The following EPS15 variants were observed in gnomAD, a reference collection of about 807,000 sequenced individuals.
The protein encoded by EPS15 is epidermal growth factor receptor substrate 15.
A neutral mutation model predicts 113.8 loss-of-function variants in EPS15; 72 were observed. The observed-to-expected ratio is 0.63, with a 90% CI of 0.52 to 0.77. The LOEUF is 0.77. EPS15 is among the 30% of genes least tolerant of loss of function. The probability of loss-of-function intolerance (pLI) is 0.00; values close to 1 mark genes in which losing one functional copy is unlikely to be tolerated. For missense variants in EPS15, 1,048 were observed against 1,045.8 expected, an observed-to-expected ratio of 1.00 and a Z score of -0.03; for synonymous variants, 344 against 363.4, an observed-to-expected ratio of 0.95 and a Z score of 0.61.
intron 13 of EPS15, among the ~76,000 whole-genome samples, chr1:51,419,404 CA>C (rs542416557): frequency 8.5e-4 from 126 of 148,080 alleles, no homozygotes; most frequent in Admixed American, 1.6e-3. Context: ...AAACACAAAA[CA>C]AAAAAAAAAT....
intron 8 of EPS15, among the ~76,000 whole-genome samples, chr1:51,454,933 GGA>G (rs1557486167): frequency 7.0e-6 from 1 of 142,426 alleles, no homozygotes; most frequent in Non-Finnish European, 1.6e-5. Flanking sequence ...AAGTTCATTA[GGA>G]AAAAAAAAAA....
At chr1:51,400,989 A>AATAT (rs1406943091) in intron 18 of EPS15, 36 bp from the exon 19 acceptor site, 1 of 1,441,840 alleles carries the variant, frequency 6.9e-7, no homozygotes, top group South Asian at 1.2e-5. Context: ...TCCAAATAAC[A>AATAT]ATATTTACTG....
chr1:51,393,193 A>T (rs1459567787), intron 21 of EPS15, among the ~76,000 whole-genome samples: 1 of 152,230 alleles, frequency 6.6e-6, no homozygotes, highest in Non-Finnish European at 1.5e-5. Flanking sequence ...TTTGTTCATT[A>T]TAAGAAACCC....
chr1:51,472,093 G>A (rs551959203), intron 3 of EPS15, among the ~76,000 whole-genome samples: 247 of 151,712 alleles, frequency 1.6e-3, no homozygotes, highest in African/African-American at 5.5e-3. Context: ...TTTCAATGTG[G>A]CCCACGGAAG....
intron 12 of EPS15, among the ~76,000 whole-genome samples, chr1:51,433,821 G>A (rs919283291): frequency 6.6e-6 from 1 of 152,194 alleles, no homozygotes; most frequent in African/African-American, 2.4e-5. Flanking sequence ...TGATGTTCTT[G>A]CTAAAAGGAC....
intron 8 of EPS15, among the ~76,000 whole-genome samples, chr1:51,455,074 C>T (rs1653876001): frequency 6.6e-6 from 1 of 152,148 alleles, no homozygotes; most frequent in Non-Finnish European, 1.5e-5. Flanking sequence ...TAGGCTCATT[C>T]ACCAAATACT....
At chr1:51,399,245 T>G in intron 19 of EPS15, 80 bp from the exon 20 acceptor site, 1 of 1,368,062 alleles carries the variant, frequency 7.3e-7, no homozygotes, top group Non-Finnish European at 1.0e-6. Flanking sequence ...GTATGATCAG[T>G]GCCTTAATTA....
chr1:51,463,384 T>C (rs1408263560), intron 7 of EPS15: 1 of 201,894 alleles, frequency 5.0e-6, no homozygotes, highest in Non-Finnish European at 9.8e-6. Flanking sequence ...AGAAATTAAC[T>C]CAAGCAAATA....
chr1:51,447,385 A>AT (rs1653151068), intron 9 of EPS15, among the ~76,000 whole-genome samples: 1 of 152,228 alleles, frequency 6.6e-6, no homozygotes, highest in South Asian at 2.1e-4. Flanking sequence ...CTCTTGACTA[A>AT]TGCCCACATT....
In EPS15 at chr1:51,389,873, G is replaced by C. The variant is rs530900007; in HGVS notation, c.2119+4508C>G. Among the ~76,000 whole-genome samples the C allele has an allele frequency of 4.9e-4, 74 of 152,328 alleles. No homozygotes were observed. The South Asian group carries it at 9.3e-3, about 19-fold the overall frequency. On this transcript the variant is annotated intron_variant, in intron 21 of 24. Coordinates refer to ENST00000371733, the MANE Select transcript of EPS15 (RefSeq NM_001981.3). Reference sequence around the variant, plus strand: ...CATGGGTAGGAAGAATCAATATCGTGAAAATGGCCATACTGCCCAAGGTAA... The same window carrying C: ...CATGGGTAGGAAGAATCAATATCGTCAAAATGGCCATACTGCCCAAGGTAA...
chr1:51,389,086 C>T lies in EPS15; in HGVS notation c.2119+5295G>A, dbSNP rs933898258. Among the ~76,000 whole-genome samples the T allele has an allele frequency of 1.1e-3, 164 of 152,158 alleles. 1 individual carries two copies. The highest frequency in any genetic ancestry group is 3.6e-3 in the African/African-American group (149 of 41,514). On this transcript the variant is annotated intron_variant, in intron 21 of 24. Transcript: ENST00000371733. ...AATCCTCAATCAAATACTGGCAAACCGAATCCAGCAGCACATCAAAAAGCT... is the reference window on the plus strand; with the variant it reads ...AATCCTCAATCAAATACTGGCAAACTGAATCCAGCAGCACATCAAAAAGCT...
rs1464181237 is a variant in EPS15 at position 51,445,985 on chromosome 1, A to G, written c.798-940T>C. Among the ~76,000 whole-genome samples, 11 of 152,344 alleles carry G rather than the reference A, an allele frequency of 7.2e-5. No individual in the cohort carries two copies. In the South Asian group the frequency reaches 2.3e-3, roughly 32 times the overall value. On this transcript the variant is annotated intron_variant, in intron 10 of 24. Transcript: ENST00000371733. ...CCCTAGGCACTCAATAGTGGCAGCT[A>G]CTACTAGTTATGCATATTTAATCTT... is the stretch of plus-strand genomic sequence containing the variant.
chr1:51,442,720 TTTC>T (rs1652688790), intron 11 of EPS15, among the ~76,000 whole-genome samples: 1 of 152,106 alleles, frequency 6.6e-6, no homozygotes, highest in Admixed American at 6.6e-5. Context: ...GTTTAGGAAT[TTTC>T]TTTTTTTTGC....
intron 1 of EPS15, among the ~76,000 whole-genome samples, chr1:51,516,060 T>A (rs1226972658): frequency 6.6e-6 from 1 of 151,970 alleles, no homozygotes; most frequent in Admixed American, 6.6e-5. Flanking sequence ...GAAGCAAAAA[T>A]CAAGATCTTT....
intron 2 of EPS15, among the ~76,000 whole-genome samples, chr1:51,476,940 T>C (rs553016259): frequency 8.5e-4 from 129 of 152,210 alleles, no homozygotes; most frequent in Non-Finnish European, 1.5e-3. Flanking sequence ...CTCTGCCAGG[T>C]TTTGGTATCA....
rs765186655 is a variant in EPS15, at chr1:51,356,674, T to C, written c.*26A>G. 1.9e-6 allele frequency: 3 copies of C among 1,607,166 alleles called. No homozygotes were observed. Among genetic ancestry groups the C allele is most frequent in the Non-Finnish European group, 2.6e-6 (3 of 1,174,774 alleles). ...AGTATTCAGGAAGAAGAATACTATA[T>C]TGTTGCCAAAGAACAAGAGAATTCT... On this transcript the variant is annotated 3_prime_UTR_variant, in exon 25 of 25. Coordinates refer to ENST00000371733, the MANE Select transcript of EPS15 (RefSeq NM_001981.3).
rs557292012 is a variant in EPS15 at position 51,511,919 on chromosome 1, AAAG to A, written c.33+7277_33+7279del. On this transcript the variant is annotated intron_variant, in intron 1 of 24. Transcript: ENST00000371733. The stretch of plus-strand genomic sequence containing the variant: ...TTCCCATTGTAATAATCCCCAGTTT[AAAG>A]GAGGGAGGAAGTGAGGCTTACTTTT... Among the ~76,000 whole-genome samples, 338 of 152,338 alleles carry A rather than the reference AAAG, an allele frequency of 2.2e-3. 2 individuals are homozygous for A. Among genetic ancestry groups the A allele is most frequent in the African/African-American group, 8.0e-3 (333 of 41,568 alleles).
chr1:51,405,830 TTAG>T, intron 16 of EPS15, 72 bp downstream of exon 16: 1 of 1,214,036 alleles, frequency 8.2e-7, no homozygotes, highest in Non-Finnish European at 1.2e-6. Context: ...TGTATTTATA[TTAG>T]ATATAATGTC....
chr1:51,519,104 T>C (rs996456409), intron 1 of EPS15, 95 bp downstream of exon 1: 50 of 853,288 alleles, frequency 5.9e-5, no homozygotes, highest in Non-Finnish European at 8.2e-5. Flanking sequence ...AGAAGCTGCC[T>C]GCTTGGCCCA....
Sources: gnomAD v4.1 joint callset for allele counts (sites outside exome capture counted in the v4.1 genomes callset) on GRCh38, gnomAD v4.1.1 for gene constraint, MANE v1.5 for transcripts, NCBI Gene and HGNC (gene_info 2026-07-23, HGNC 2026-07-21) for gene names.